The following PTPRM variants were observed in gnomAD, a reference collection of about 807,000 sequenced individuals.
PTPRM encodes protein tyrosine phosphatase receptor type M.
PTPRM carries 47 observed loss-of-function variants against 186.7 expected under a neutral mutation model. The observed-to-expected ratio is 0.25, with a 90% CI of 0.20 to 0.32. The LOEUF (loss-of-function observed/expected upper bound fraction) is 0.32, where lower values mean the gene tolerates loss of function less well. Ranked by LOEUF, PTPRM falls within the 10% of genes least tolerant of loss-of-function variation. The probability of loss-of-function intolerance (pLI) is 1.00; values close to 1 mark genes in which losing one functional copy is unlikely to be tolerated. For missense variants in PTPRM, 1,494 were observed against 1,865.0 expected, an observed-to-expected ratio of 0.80 and a Z score of 3.66; for synonymous variants, 668 against 674.9, an observed-to-expected ratio of 0.99 and a Z score of 0.16.
At chr18:8,255,542 C>A (rs564926476) in intron 19 of PTPRM, among the ~76,000 whole-genome samples, 2 of 152,128 alleles carry the variant, frequency 1.3e-5, no homozygotes, top group South Asian at 2.1e-4. Flanking sequence ...TTGCAGAAAA[C>A]TTTTTCTCAT....
chr18:8,394,652 T>C, intron 32 of PTPRM, 41 bp downstream of exon 32: 1 of 1,537,734 alleles, frequency 6.5e-7, no homozygotes, highest in Non-Finnish European at 8.8e-7. Flanking sequence ...GACACCCCAT[T>C]AGCATTAGAA....
chr18:7,659,686 G>A (rs867010764), intron 1 of PTPRM, among the ~76,000 whole-genome samples: 10 of 152,258 alleles, frequency 6.6e-5, no homozygotes, highest in Non-Finnish European at 1.0e-4. Context: ...ATTCTTCATA[G>A]CACTAGCTCC....
chr18:8,143,370 T>C (rs978581090), intron 13 of PTPRM, among the ~76,000 whole-genome samples: 1 of 151,736 alleles, frequency 6.6e-6, no homozygotes. Context: ...ATAATATTTT[T>C]CTAAAAAAAA....
chr18:7,856,354 T>G (rs1411920485), intron 2 of PTPRM, among the ~76,000 whole-genome samples: 3 of 152,160 alleles, frequency 2.0e-5, no homozygotes, highest in Non-Finnish European at 4.4e-5. Context: ...CAGAGGAAAT[T>G]AAAAAATGTT....
chr18:7,667,988 C>T (rs746644792), intron 1 of PTPRM, among the ~76,000 whole-genome samples: 23 of 151,834 alleles, frequency 1.5e-4, no homozygotes, highest in South Asian at 2.1e-4. Context: ...GAGAGGTAAT[C>T]GAAGGGCAGT....
At chr18:8,348,051 G>A (rs773532761) in intron 23 of PTPRM, among the ~76,000 whole-genome samples, 1 of 152,252 alleles carries the variant, frequency 6.6e-6, no homozygotes, top group East Asian at 1.9e-4. Flanking sequence ...TTTGTTTACA[G>A]ATAGCTCCTC....
intron 1 of PTPRM, among the ~76,000 whole-genome samples, chr18:7,613,475 C>A (rs567880691): frequency 6.6e-6 from 1 of 152,198 alleles, no homozygotes; most frequent in South Asian, 2.1e-4. Context: ...GAGATCAAGA[C>A]CATCCTGGCC....
intron 19 of PTPRM, among the ~76,000 whole-genome samples, chr18:8,266,844 G>T (rs941516677): frequency 4.6e-5 from 7 of 152,142 alleles, no homozygotes; most frequent in Admixed American, 3.9e-4. Flanking sequence ...GGAGGCGGAG[G>T]TTGCAGTGAG....
intron 23 of PTPRM, among the ~76,000 whole-genome samples, chr18:8,367,546 C>T (rs1598460114): frequency 2.0e-5 from 3 of 152,378 alleles, no homozygotes; most frequent in East Asian, 3.9e-4. Flanking sequence ...GTTGGAAGCC[C>T]TGGCGGCTGC....
At chr18:8,110,950 A>G (rs2091727531) in intron 11 of PTPRM, among the ~76,000 whole-genome samples, 1 of 152,178 alleles carries the variant, frequency 6.6e-6, no homozygotes, top group South Asian at 2.1e-4. Context: ...GATGGTTTCC[A>G]TCAGTGCCTT....
intron 2 of PTPRM, among the ~76,000 whole-genome samples, chr18:7,848,953 T>G (rs1441610410): frequency 2.4e-4 from 36 of 152,146 alleles, no homozygotes; most frequent in Non-Finnish European, 8.8e-5. Flanking sequence ...TGTGGTAAAT[T>G]TTCATATAAA....
chr18:8,027,308 A>G lies in PTPRM; in HGVS notation c.1133-42378A>G, dbSNP rs2085632327. 2.0e-5 allele frequency among the ~76,000 whole-genome samples: 3 copies of G among 152,302 alleles called. No homozygotes were observed. In the South Asian group the frequency reaches 6.2e-4, roughly 32 times the overall value. The stretch of plus-strand genomic sequence containing the variant: ...AAATAAGCTTGACAATTATTTCGTG[A>G]TCTTAGTTTCATTCAATTTTTACTT... On this transcript the variant is annotated intron_variant, in intron 7 of 32. Coordinates refer to ENST00000580170, the MANE Select transcript of PTPRM (RefSeq NM_001105244.2).
chr18:7,804,481 A>G (rs967416806), intron 2 of PTPRM, among the ~76,000 whole-genome samples: 12 of 152,218 alleles, frequency 7.9e-5, no homozygotes, highest in Admixed American at 5.2e-4. Context: ...CCAAAATTCA[A>G]TTAAAACTGT....
chr18:7,875,575 C>T (rs1057134159), intron 2 of PTPRM, among the ~76,000 whole-genome samples: 6 of 152,232 alleles, frequency 3.9e-5, no homozygotes, highest in Admixed American at 1.3e-4. Flanking sequence ...CTGCCTGCCT[C>T]GACTTCCCAA....
At chr18:7,676,171 C>T (rs1479625627) in intron 1 of PTPRM, among the ~76,000 whole-genome samples, 1 of 152,150 alleles carries the variant, frequency 6.6e-6, no homozygotes, top group Non-Finnish European at 1.5e-5. Flanking sequence ...CCCAGGGAAG[C>T]AAAGACATTT....
intron 2 of PTPRM, among the ~76,000 whole-genome samples, chr18:7,793,791 C>T (rs1381956274): frequency 6.6e-6 from 1 of 152,106 alleles, no homozygotes; most frequent in Non-Finnish European, 1.5e-5. Flanking sequence ...TTCCTAAGAC[C>T]ATCCTGGCCC....
intron 2 of PTPRM, among the ~76,000 whole-genome samples, chr18:7,800,755 A>C (rs536188121): frequency 6.6e-6 from 1 of 152,224 alleles, no homozygotes; most frequent in Non-Finnish European, 1.5e-5. Context: ...GTGTACTTAC[A>C]CAAACCTAGA....
intron 19 of PTPRM, among the ~76,000 whole-genome samples, chr18:8,262,016 G>A (rs554376364): frequency 8.6e-6 from 1 of 116,950 alleles, no homozygotes; most frequent in South Asian, 2.9e-4. Flanking sequence ...TGTGTGTCTG[G>A]TACTGGTCCT....
At chr18:7,611,990 A>G (rs561498268) in intron 1 of PTPRM, among the ~76,000 whole-genome samples, 1 of 152,262 alleles carries the variant, frequency 6.6e-6, no homozygotes, top group Non-Finnish European at 1.5e-5. Context: ...ATGTTCACAC[A>G]ATGACAAAAT....
Sources: allele counts gnomAD v4.1 joint callset (sites outside exome capture counted in the v4.1 genomes callset), GRCh38; gene constraint gnomAD v4.1.1; transcripts MANE v1.5; gene names NCBI Gene and HGNC (gene_info 2026-07-23, HGNC 2026-07-21).